Variants in LAMA5 observed in about 807,000 individuals in gnomAD.
LAMA5 encodes laminin subunit alpha 5, also known as laminin subunit alpha-5.
A neutral mutation model predicts 433.4 loss-of-function variants in LAMA5; 260 were observed. That is an observed-to-expected ratio of 0.60 (90% CI 0.54 to 0.66). The LOEUF (loss-of-function observed/expected upper bound fraction) is 0.66. LAMA5 is among the 30% of genes least tolerant of loss of function. The pLI, the probability that LAMA5 is intolerant of heterozygous loss-of-function variation, is 0.00. For synonymous variants in LAMA5, 2,620 were observed against 2,226.6 expected (o/e 1.18, Z -4.97); for missense variants, 5,378 against 5,258.5 (o/e 1.02, Z -0.70).
At chr20:62,317,135 G>T in intron 55 of LAMA5, 112 bp from the exon 56 acceptor site, 1 of 1,302,252 alleles carries the variant, frequency 7.7e-7, no homozygotes, top group Non-Finnish European at 1.0e-6. Flanking sequence ...GCCAAGTCCC[G>T]CCTCCAGGTC....
chr20:62,364,170 G>A (rs951296725), intron 1 of LAMA5, among the ~76,000 whole-genome samples: 2 of 152,172 alleles, frequency 1.3e-5, no homozygotes, highest in African/African-American at 4.8e-5. Context: ...ACCCCTACCC[G>A]CAGGCCGCAC....
Position 62,358,767 on chromosome 20 carries a change from C to A in LAMA5, c.450+3633G>T, listed in dbSNP as rs560829479. The stretch of plus-strand genomic sequence containing the variant: ...ACACTGGCCCTGACCCTCTCATAAC[C>A]CCACCTCAGTTTCCCCAAGTGCCTA... On this transcript the variant is annotated intron_variant, in intron 2 of 79. Coordinates refer to ENST00000252999, the MANE Select transcript of LAMA5 (RefSeq NM_005560.6). Among the ~76,000 whole-genome samples the A allele has an allele frequency of 3.0e-4, 46 of 152,258 alleles. 1 individual carries two copies. In the East Asian group the frequency reaches 7.5e-3, roughly 25 times the overall value.
Position 62,328,851 on chromosome 20 carries a change from G to A in LAMA5, c.4440C>T (p.Asn1480=), listed in dbSNP as rs200992006. ...RCATGYWGFP[N]CRPCDCGARL... is the part of the protein sequence containing the mutation. ...AAGGACTGGGGTACTCACGCCTGCAGTTGGGGAAGCCCCAGTATCCGGTGG... is the reference window on the plus strand; with the variant it reads ...AAGGACTGGGGTACTCACGCCTGCAATTGGGGAAGCCCCAGTATCCGGTGG... The change falls in exon 34 of 80, where the codon AAC becomes AAT. Residue 1480 remains asparagine, a synonymous_variant. Transcript: ENST00000252999. 2 of 1,611,310 alleles carry A rather than the reference G, an allele frequency of 1.2e-6. No homozygotes were observed. Among genetic ancestry groups the A allele is most frequent in the Admixed American group, 1.7e-5 (1 of 59,480 alleles).
chr20:62,339,767 T>C (rs866083625), intron 11 of LAMA5, among the ~76,000 whole-genome samples: 4 of 152,278 alleles, frequency 2.6e-5, no homozygotes, highest in South Asian at 2.1e-4. Context: ...GTTTTCTTGC[T>C]CTAACTTGTG....
chr20:62,353,636 G>A (rs956228802), intron 2 of LAMA5, among the ~76,000 whole-genome samples: 5 of 152,152 alleles, frequency 3.3e-5, no homozygotes, highest in African/African-American at 1.2e-4. Context: ...GGTGGAGGCA[G>A]GAACACACCC....
chr20:62,311,753 G>A lies in LAMA5; in HGVS notation c.9667C>T (p.Gln3223Ter). The A allele has an allele frequency of 6.4e-7, 1 of 1,560,594 alleles. No homozygotes were observed. The highest frequency in any genetic ancestry group is 8.7e-7 in the Non-Finnish European group (1 of 1,154,070). The change falls in exon 71 of 80, where the codon CAG becomes TAG. Residue 3223 changes from glutamine to a stop codon, truncating the protein, a stop_gained. Transcript: ENST00000252999. LOFTEE classifies it high-confidence loss of function. ...GGTGGTCCCCGGTGGGGCTTCATCT[G>A]CTGGAGCTGGTCATCGACATACAGC... The part of the protein sequence containing the change: ...VWLYVDDQLQ[Q>*]MKPHRGPPPE...
intron 39 of LAMA5, 48 bp from the exon 40 acceptor site, chr20:62,326,808 G>A (rs527404330): frequency 1.7e-4 from 271 of 1,598,702 alleles, no homozygotes; most frequent in East Asian, 7.6e-4. Context: ...CCTGGACCAC[G>A]GTGCCACTGC....
Position 62,338,054 on chromosome 20 carries a change from C to A in LAMA5, c.1853G>T (p.Arg618Leu), listed in dbSNP as rs758209373. Residue 618 changes from arginine to leucine, a missense_variant, in exon 14 of 80, where the codon CGG (arginine) becomes CTG (leucine). Transcript: ENST00000252999. ...QPEFAGPHCDRCRPGYHGFPN... is the reference protein window; with the variant it reads ...QPEFAGPHCDLCRPGYHGFPN... ...GAAACCATGGTAGCCAGGGCGGCAC[C>A]GGTCACAATGAGGTCCAGCAAACTC... is the stretch of plus-strand genomic sequence containing the variant. 8.7e-6 allele frequency: 14 copies of A among 1,604,292 alleles called. No homozygotes were observed. Among genetic ancestry groups the A allele is most frequent in the Non-Finnish European group, 8.5e-6 (10 of 1,174,658 alleles).
intron 1 of LAMA5, among the ~76,000 whole-genome samples, chr20:62,364,779 A>T (rs525915): frequency 0.55 from 83,867 of 152,038 alleles, 26,176 homozygotes; most frequent in East Asian, 0.85. Flanking sequence ...CCCGACCCCC[A>T]TCTGGGATGC....
chr20:62,334,710 G>T (rs919933295), intron 20 of LAMA5, 89 bp from the exon 21 acceptor site: 1 of 995,616 alleles, frequency 1.0e-6, no homozygotes, highest in Non-Finnish European at 1.4e-6. Flanking sequence ...GCCTGCCTGG[G>T]GCTCTCTGGA....
intron 16 of LAMA5, among the ~76,000 whole-genome samples, chr20:62,337,175 ACGCGCACCCAC>A (rs1981787262): frequency 1.4e-4 from 13 of 92,336 alleles, no homozygotes; most frequent in African/African-American, 5.5e-4. Context: ...GACACGCGAT[ACGCGCACCCAC>A]TTATGCGATA....
chr20:62,333,346 C>A, intron 25 of LAMA5, 29 bp downstream of exon 25: 1 of 1,609,248 alleles, frequency 6.2e-7, no homozygotes, highest in Non-Finnish European at 8.5e-7. Flanking sequence ...AAGCCCCCAC[C>A]CCGGTCCCAC....
Position 62,310,501 on chromosome 20 carries a change from C to T in LAMA5, c.10518G>A (p.Arg3506=). ...LHGRPLGAPT[R]MAGVTPCILG... is the part of the protein sequence containing the mutation. ...AGATGCAGGGTGTGACCCCTGCCATCCGTGTGGGGGCCCCCAGGGGCCTCC... is the reference window on the plus strand; with the variant it reads ...AGATGCAGGGTGTGACCCCTGCCATTCGTGTGGGGGCCCCCAGGGGCCTCC... Residue 3506 remains arginine, a synonymous_variant, in exon 76 of 80, where the codon CGG becomes CGA. Transcript: ENST00000252999. 1.3e-6 allele frequency: 2 copies of T among 1,563,962 alleles called. No individual in the cohort carries two copies. Among genetic ancestry groups the T allele is most frequent in the South Asian group, 2.4e-5 (2 of 81,666 alleles).
In LAMA5 at chr20:62,362,371, G is replaced by A. The variant is rs762528938; in HGVS notation, c.450+29C>T. The A allele has an allele frequency of 5.7e-5, 84 of 1,473,336 alleles. No individual in the cohort carries two copies. In the South Asian group the frequency reaches 1.1e-3, roughly 20 times the overall value. 91.3% of individuals were successfully genotyped at this position (1,473,336 alleles called of 1,614,324 possible). On this transcript the variant is annotated intron_variant, in intron 2 of 79. Transcript: ENST00000252999. ...CGACGGGCACAGACACAGAGATGGG[G>A]GCTGCAGCACGCAAAGAAGGGTCCC...
intron 34 of LAMA5, 104 bp from the exon 35 acceptor site, chr20:62,328,549 G>A: frequency 3.2e-6 from 4 of 1,242,048 alleles, no homozygotes; most frequent in Admixed American, 5.8e-5. Context: ...CGGGGGCGGG[G>A]GAGACAAGAA....
intron 79 of LAMA5, 44 bp from the exon 80 acceptor site, chr20:62,309,519 C>T: frequency 6.5e-7 from 1 of 1,530,332 alleles, no homozygotes; most frequent in South Asian, 1.2e-5. Flanking sequence ...TGGTGGGCAG[C>T]TAGAGACCCA....
At chr20:62,366,911 C>T in intron 1 of LAMA5, 38 bp downstream of exon 1, 1 of 1,241,072 alleles carries the variant, frequency 8.1e-7, no homozygotes. Flanking sequence ...GGTCCGAGTG[C>T]CCCGGGAGGA....
chr20:62,322,493 G>A (rs747437428), intron 46 of LAMA5, 44 bp from the exon 47 acceptor site: 56 of 1,536,938 alleles, frequency 3.6e-5, no homozygotes, highest in Non-Finnish European at 7.0e-6. Context: ...CCTCAAGACT[G>A]TCCCAGACCA....
In LAMA5 at chr20:62,327,629, C is replaced by A. The variant is rs773238270; in HGVS notation, c.4838G>T (p.Gly1613Val). ...GTTGGCAGCATCCAGTGAGAAGGTCCCAAGGCTGCACTGGTCACATTTGGG... is the reference window on the plus strand; with the variant it reads ...GTTGGCAGCATCCAGTGAGAAGGTCACAAGGCTGCACTGGTCACATTTGGG... ...QGPKCDQCSL[G>V]TFSLDAANPK... Residue 1613 changes from glycine (G) to valine (V), a missense_variant, in exon 37 of 80, where the codon GGG (glycine) becomes GTG (valine). Coordinates refer to ENST00000252999, the MANE Select transcript of LAMA5 (RefSeq NM_005560.6). The A allele has an allele frequency of 1.2e-6, 2 of 1,613,152 alleles. No homozygotes were observed.
Sources: allele counts gnomAD v4.1 joint callset (sites outside exome capture counted in the v4.1 genomes callset), GRCh38; gene constraint gnomAD v4.1.1; transcripts MANE v1.5; gene names NCBI Gene and HGNC (gene_info 2026-07-23, HGNC 2026-07-21).